The following ATP2A2 variants were observed in gnomAD, a reference collection of about 807,000 sequenced individuals.
The protein encoded by ATP2A2 is sarcoplasmic/endoplasmic reticulum calcium ATPase 2.
A neutral mutation model predicts 109.3 loss-of-function variants in ATP2A2; 14 were observed. That is an observed-to-expected ratio of 0.13 (90% confidence interval 0.08 to 0.20). The LOEUF (loss-of-function observed/expected upper bound fraction) is 0.20, where lower values mean the gene tolerates loss of function less well. ATP2A2 is among the 10% of genes least tolerant of loss of function. The pLI is 1.00. For synonymous variants in ATP2A2, 506 were observed against 490.9 expected, an observed-to-expected ratio of 1.03 and a Z score of -0.41; for missense variants, 657 against 1,321.6, an observed-to-expected ratio of 0.50 and a Z score of 7.80.
intron 4 of ATP2A2, chr12:110,296,351 G>A (rs1205808860): frequency 4.1e-6 from 2 of 492,192 alleles, no homozygotes; most frequent in African/African-American, 2.0e-5. Flanking sequence ...GGACAGCAGA[G>A]TCTGTAATTG....
In ATP2A2 at chr12:110,328,075, T is replaced by A. The variant is rs1592846172; in HGVS notation, c.1095+58T>A. ...TGGTTCTTTGTTCATCCTACCAATA[T>A]GCCTTCATGCCATCAAAACTTTTGA... On this transcript the variant is annotated intron_variant, in intron 8 of 19. Coordinates refer to ENST00000539276, the MANE Select transcript of ATP2A2 (RefSeq NM_170665.4). The A allele has an allele frequency of 7.9e-6, 12 of 1,514,630 alleles. No individual in the cohort carries two copies. The East Asian group carries it at 2.7e-4, about 34-fold the overall frequency. 93.8% of individuals were successfully genotyped at this position (1,514,630 alleles called of 1,614,324 possible). A position where few individuals can be genotyped will look rare whatever the true frequency, so the allele number is the denominator to read the frequency against.
chr12:110,344,676 C>G (rs1879672082), intron 16 of ATP2A2, among the ~76,000 whole-genome samples: 1 of 152,230 alleles, frequency 6.6e-6, no homozygotes, highest in African/African-American at 2.4e-5. Flanking sequence ...TCCAGTTCTT[C>G]TGTTCTAGAA....
chr12:110,328,030 A>C lies in ATP2A2; in HGVS notation c.1095+13A>C, dbSNP rs1263917709. 6.2e-7 allele frequency: 1 copy of C among 1,606,884 alleles called. No homozygotes were observed. Among genetic ancestry groups the C allele is most frequent in the East Asian group, 2.2e-5 (1 of 44,862 alleles). ...GTCAGTCTGCAGGGTAAGAGGAGTA[A>C]TTTAGAATATTCCGTGTCGTGGTTC... On this transcript the variant is annotated intron_variant, in intron 8 of 19. Coordinates refer to ENST00000539276, the MANE Select transcript of ATP2A2 (RefSeq NM_170665.4).
chr12:110,285,772 C>T (rs991747931), intron 3 of ATP2A2, among the ~76,000 whole-genome samples: 10 of 152,266 alleles, frequency 6.6e-5, no homozygotes, highest in Non-Finnish European at 7.4e-5. Flanking sequence ...CTTCCACCGT[C>T]GTTTCCCATG....
At chr12:110,299,961 G>A (rs1592807871) in intron 5 of ATP2A2, among the ~76,000 whole-genome samples, 1 of 151,722 alleles carries the variant, frequency 6.6e-6, no homozygotes, top group Admixed American at 6.6e-5. Context: ...TCTCCATGTT[G>A]GTCAGGCTGA....
intron 5 of ATP2A2, among the ~76,000 whole-genome samples, chr12:110,301,417 A>G (rs1874624328): frequency 6.6e-6 from 1 of 152,108 alleles, no homozygotes; most frequent in African/African-American, 2.4e-5. Flanking sequence ...CTTTTGTAAG[A>G]CACTCTAACC....
chr12:110,309,734 C>T (rs1875797987), intron 5 of ATP2A2, among the ~76,000 whole-genome samples: 1 of 151,960 alleles, frequency 6.6e-6, no homozygotes, highest in South Asian at 2.1e-4. Context: ...AGTAAAACCC[C>T]ATCCCTACAA....
chr12:110,326,607 G>T (rs1877828617), intron 7 of ATP2A2, 132 bp downstream of exon 7: 1 of 961,176 alleles, frequency 1.0e-6, no homozygotes, highest in Non-Finnish European at 1.6e-6. Flanking sequence ...TCAGTCTTAG[G>T]TGTCAGAATA....
chr12:110,287,117 G>T (rs1277595779), intron 3 of ATP2A2, among the ~76,000 whole-genome samples: 1 of 152,132 alleles, frequency 6.6e-6, no homozygotes, highest in African/African-American at 2.4e-5. Flanking sequence ...GCCAGGCGTG[G>T]TGGTGGGTCC....
chr12:110,333,135 T>C (rs759577242), intron 9 of ATP2A2, 46 bp from the exon 10 acceptor site: 9 of 1,501,664 alleles, frequency 6.0e-6, no homozygotes, highest in Non-Finnish European at 8.3e-6. Flanking sequence ...GAGGAATCAA[T>C]AGTGGCGACC....
At chr12:110,309,600 G>A (rs1283682550) in intron 5 of ATP2A2, among the ~76,000 whole-genome samples, 2 of 152,032 alleles carry the variant, frequency 1.3e-5, no homozygotes, top group Admixed American at 1.3e-4. Context: ...ATAAAAACAT[G>A]GAGAAAATAA....
chr12:110,289,878 T>C (rs1292858909), intron 3 of ATP2A2, among the ~76,000 whole-genome samples: 1 of 152,230 alleles, frequency 6.6e-6, no homozygotes, highest in Non-Finnish European at 1.5e-5. Context: ...TTCTTAGTAT[T>C]CATTGTGGTG....
chr12:110,320,627 T>C (rs1411084856), intron 5 of ATP2A2, among the ~76,000 whole-genome samples: 2 of 152,226 alleles, frequency 1.3e-5, no homozygotes, highest in Admixed American at 1.3e-4. Flanking sequence ...TGTACTCTCT[T>C]CAATGTAGTT....
intron 5 of ATP2A2, among the ~76,000 whole-genome samples, chr12:110,315,574 C>T (rs559411676): frequency 6.6e-6 from 1 of 152,298 alleles, no homozygotes; most frequent in East Asian, 1.9e-4. Context: ...GAGTTTGTAA[C>T]TTATCCAGGA....
chr12:110,330,328 G>C (rs1878219220), intron 8 of ATP2A2: 1 of 152,084 alleles, frequency 6.6e-6, no homozygotes, highest in South Asian at 2.1e-4. Flanking sequence ...ACAGAACTGG[G>C]GTGTTCCAAC....
chr12:110,349,155 T>A lies in ATP2A2; in HGVS notation c.*2685T>A. On this transcript the variant is annotated 3_prime_UTR_variant, in exon 20 of 20. Transcript: ENST00000539276. ...TGCTGTTTTGAGCAGGGCCACTTGC[T>A]CCATTTCACTGAAGGCTTTGCTGGG... 1.0e-6 allele frequency: 1 copy of A among 985,474 alleles called. No individual in the cohort carries two copies. Among genetic ancestry groups the A allele is most frequent in the Non-Finnish European group, 1.2e-6 (1 of 829,988 alleles). 61.0% of individuals were successfully genotyped at this position (985,474 alleles called of 1,614,324 possible). A position where few individuals can be genotyped will look rare whatever the true frequency, so the allele number is the denominator to read the frequency against.
rs1241644602 is a variant in ATP2A2, at chr12:110,339,157, CCTGT to C, written c.1420-119_1420-116del. 2.9e-6 allele frequency: 4 copies of C among 1,375,608 alleles called. No individual in the cohort carries two copies. The highest frequency in any genetic ancestry group is 2.9e-5 in the African/African-American group (2 of 69,644). The allele number at this position is 1,375,608 out of a possible 1,614,324, so 85.2% of individuals were successfully genotyped here. A position where few individuals can be genotyped will look rare whatever the true frequency, so the allele number is the denominator to read the frequency against. On this transcript the variant is annotated intron_variant, in intron 11 of 19. Transcript: ENST00000539276. The surrounding 1 kb of genome is among the most constrained non-coding windows in gnomAD (Gnocchi z 4.4). ...GGGACAAGTTTCATGAGGGCAAAAA[CCTGT>C]CTGTTTTGTTTATTGCTATATTCCT...
At chr12:110,297,880 G>T (rs1874138401) in intron 5 of ATP2A2, among the ~76,000 whole-genome samples, 1 of 152,062 alleles carries the variant, frequency 6.6e-6, no homozygotes. Flanking sequence ...GTCCCAAAGT[G>T]CTGGGATTAC....
chr12:110,350,071 A>C lies in ATP2A2; in HGVS notation c.*3601A>C. On this transcript the variant is annotated 3_prime_UTR_variant, in exon 20 of 20. Transcript: ENST00000539276. The stretch of plus-strand genomic sequence containing the variant: ...AGCCTTTATTCTGTAGCCAGACGAC[A>C]CGAGGAGTCTGTGTCACTGAGCCAG... 7.0e-7 allele frequency: 1 copy of C among 1,438,358 alleles called. No individual in the cohort carries two copies. The highest frequency in any genetic ancestry group is 9.1e-7 in the Non-Finnish European group (1 of 1,101,612). 89.1% of individuals were successfully genotyped at this position (1,438,358 alleles called of 1,614,324 possible).
Sources: gnomAD v4.1 joint callset for allele counts (sites outside exome capture counted in the v4.1 genomes callset) on GRCh38, gnomAD v4.1.1 for gene constraint, Gnocchi (gnomAD v3.1) non-coding constraint, MANE v1.5 for transcripts, NCBI Gene and HGNC (gene_info 2026-07-23, HGNC 2026-07-21) for gene names.